The following KTN1 variants were observed in gnomAD, a reference collection of about 807,000 sequenced individuals.
The protein encoded by KTN1 is kinectin 1.
Under a neutral mutation model 222.5 loss-of-function variants are expected in KTN1, and 130 were observed. That is an observed-to-expected ratio of 0.58 (90% CI 0.51 to 0.68). The LOEUF (loss-of-function observed/expected upper bound fraction) is 0.68. Ranked by LOEUF, KTN1 falls within the 30% of genes least tolerant of loss-of-function variation. KTN1 has a pLI of 0.00. For missense variants in KTN1, 1,508 were observed against 1,500.4 expected (o/e 1.01, Z -0.08); for synonymous variants, 512 against 496.3 (o/e 1.03, Z -0.42).
chr14:55,618,707 G>C (rs1213591293), intron 4 of KTN1, among the ~76,000 whole-genome samples: 1 of 152,096 alleles, frequency 6.6e-6, no homozygotes, highest in African/African-American at 2.4e-5. Context: ...AGGATGGTTT[G>C]CATATATTTG....
At chr14:55,624,370 C>G (rs565034189) in intron 5 of KTN1, among the ~76,000 whole-genome samples, 1 of 152,250 alleles carries the variant, frequency 6.6e-6, no homozygotes, top group Middle Eastern at 3.4e-3. Flanking sequence ...TATGTAGTGG[C>G]TAAAGAAGAG....
At chr14:55,608,222 T>C (rs1367919106) in intron 1 of KTN1, among the ~76,000 whole-genome samples, 1 of 152,238 alleles carries the variant, frequency 6.6e-6, no homozygotes. Context: ...TTTTGTCTCC[T>C]CTTTTTTCCT....
chr14:55,610,719 G>A (rs2037420429), intron 1 of KTN1, among the ~76,000 whole-genome samples: 1 of 152,140 alleles, frequency 6.6e-6, no homozygotes, highest in Admixed American at 6.5e-5. Context: ...AGATGAATAA[G>A]AATACAAGTC....
chr14:55,678,313 C>T, intron 41 of KTN1, 39 bp from the exon 42 acceptor site: 1 of 1,104,110 alleles, frequency 9.1e-7, no homozygotes, highest in Non-Finnish European at 1.4e-6. Context: ...TATTTATCAA[C>T]TGTATTACTT....
At chr14:55,611,191 G>A (rs2037505572) in intron 1 of KTN1, among the ~76,000 whole-genome samples, 1 of 151,680 alleles carries the variant, frequency 6.6e-6, no homozygotes, top group African/African-American at 2.4e-5. Flanking sequence ...AGGCTCAGGT[G>A]ATCCTCTCAC....
chr14:55,585,550 C>T (rs1161615747), intron 1 of KTN1, among the ~76,000 whole-genome samples: 1 of 151,966 alleles, frequency 6.6e-6, no homozygotes, highest in African/African-American at 2.4e-5. Context: ...GTATTGGTTT[C>T]TTTAAAGTGG....
At chr14:55,640,094 A>G in intron 14 of KTN1, 91 bp downstream of exon 14, 1 of 812,174 alleles carries the variant, frequency 1.2e-6, no homozygotes, top group Non-Finnish European at 2.0e-6. Flanking sequence ...TATATGAAAA[A>G]TGGAAAATAG....
chr14:55,646,560 CTCTT>C (rs1300494584), intron 18 of KTN1, among the ~76,000 whole-genome samples: 5 of 134,094 alleles, frequency 3.7e-5, no homozygotes, highest in African/African-American at 8.7e-5. Context: ...CTCTTTCTCT[CTCTT>C]TCTCTTTCTC....
intron 5 of KTN1, among the ~76,000 whole-genome samples, chr14:55,625,512 A>G (rs941127658): frequency 2.0e-5 from 3 of 152,080 alleles, no homozygotes; most frequent in African/African-American, 7.2e-5. Context: ...TTTGTCAGAT[A>G]CTTGTAATAT....
chr14:55,625,468 C>G (rs1594922680), intron 5 of KTN1, among the ~76,000 whole-genome samples: 1 of 152,244 alleles, frequency 6.6e-6, no homozygotes, highest in East Asian at 1.9e-4. Flanking sequence ...CTTTCTTCCA[C>G]CAGTCTCAAC....
Position 55,684,112 on chromosome 14 carries a change from G to C in KTN1, c.*9G>C, listed in dbSNP as rs1463027275. The C allele has an allele frequency of 3.7e-6, 6 of 1,600,106 alleles. No individual in the cohort carries two copies. The East Asian group carries it at 1.4e-4, about 36-fold the overall frequency. ...GATCTTTTACAGAGTGAAGTAATTG[G>C]GAAACTGTTCATTTGAGGATAAAAA... is the stretch of plus-strand genomic sequence containing the variant. On this transcript the variant is annotated 3_prime_UTR_variant, in exon 44 of 44. Transcript: ENST00000395314.
chr14:55,589,387 C>T (rs1441006841), intron 1 of KTN1, among the ~76,000 whole-genome samples: 1 of 151,994 alleles, frequency 6.6e-6, no homozygotes, highest in African/African-American at 2.4e-5. Flanking sequence ...CAACCTCTGA[C>T]TCACTGCAAC....
intron 1 of KTN1, among the ~76,000 whole-genome samples, chr14:55,593,318 G>A (rs995227263): frequency 2.6e-5 from 4 of 151,030 alleles, no homozygotes; most frequent in Non-Finnish European, 5.9e-5. Context: ...CTATGTTTTG[G>A]ATTAAAAAAA....
chr14:55,603,142 T>C (rs2036224999), intron 1 of KTN1, among the ~76,000 whole-genome samples: 1 of 152,042 alleles, frequency 6.6e-6, no homozygotes, highest in African/African-American at 2.4e-5. Flanking sequence ...CCTGCATCAT[T>C]GTTCTTTCCC....
intron 9 of KTN1, among the ~76,000 whole-genome samples, chr14:55,635,468 C>CT (rs1181312730): frequency 6.6e-6 from 1 of 152,142 alleles, no homozygotes; most frequent in Non-Finnish European, 1.5e-5. Context: ...CAGCACAAGA[C>CT]TAAGTAGTGT....
At chr14:55,660,828 C>G (rs1019030995) in intron 31 of KTN1, among the ~76,000 whole-genome samples, 4 of 152,128 alleles carry the variant, frequency 2.6e-5, no homozygotes, top group Non-Finnish European at 5.9e-5. Flanking sequence ...AAAAACAGCT[C>G]TTAGTTTGAG....
At chr14:55,635,321 C>T (rs554147489) in intron 9 of KTN1, among the ~76,000 whole-genome samples, 1 of 152,196 alleles carries the variant, frequency 6.6e-6, no homozygotes, top group South Asian at 2.1e-4. Flanking sequence ...GGGTTAGGGT[C>T]TACAGTATAG....
chr14:55,638,250 A>C (rs1340983143), intron 12 of KTN1, among the ~76,000 whole-genome samples: 2 of 151,968 alleles, frequency 1.3e-5, no homozygotes, highest in Non-Finnish European at 2.9e-5. Flanking sequence ...ATCACAGATT[A>C]TATTTGCAAA....
At chr14:55,659,449 G>A (rs558621596) in intron 30 of KTN1, among the ~76,000 whole-genome samples, 4 of 152,120 alleles carry the variant, frequency 2.6e-5, no homozygotes, top group African/African-American at 9.6e-5. Flanking sequence ...GTTCAAGTAC[G>A]TTGCGACAGT....
Sources: gnomAD v4.1 joint callset for allele counts (sites outside exome capture counted in the v4.1 genomes callset) on GRCh38, gnomAD v4.1.1 for gene constraint, MANE v1.5 for transcripts, NCBI Gene and HGNC (gene_info 2026-07-23, HGNC 2026-07-21) for gene names.